The following ARHGAP40 variants were observed in gnomAD, a reference collection of about 807,000 sequenced individuals.
The protein encoded by ARHGAP40 is Rho GTPase activating protein 40.
ARHGAP40 carries 43 observed loss-of-function variants against 73.5 expected under a neutral mutation model. The ratio of observed to expected loss-of-function variants is 0.58; its 90% CI spans 0.46 to 0.75. ARHGAP40 has a LOEUF of 0.75. Ranked by LOEUF, ARHGAP40 falls within the 30% of genes least tolerant of loss-of-function variation. The pLI, the probability that ARHGAP40 is intolerant of heterozygous loss-of-function variation, is 0.00. For synonymous variants in ARHGAP40, 300 were observed against 352.8 expected, an observed-to-expected ratio of 0.85 and a Z score of 1.68; for missense variants, 734 against 861.8, an observed-to-expected ratio of 0.85 and a Z score of 1.86.
chr20:38,608,865 T>C (rs1181765399), intron 1 of ARHGAP40, among the ~76,000 whole-genome samples: 1 of 152,146 alleles, frequency 6.6e-6, no homozygotes, highest in Non-Finnish European at 1.5e-5. Context: ...ACAATCAATT[T>C]TCTAGCTTCA....
chr20:38,620,277 A>C (rs1229112574), intron 1 of ARHGAP40, among the ~76,000 whole-genome samples: 1 of 152,250 alleles, frequency 6.6e-6, no homozygotes, highest in Non-Finnish European at 1.5e-5. Flanking sequence ...CCTTTTGTGG[A>C]TGCGTTCTCT....
intron 6 of ARHGAP40, among the ~76,000 whole-genome samples, chr20:38,635,161 T>G (rs1456933286): frequency 1.3e-5 from 2 of 152,246 alleles, no homozygotes; most frequent in East Asian, 3.9e-4. Flanking sequence ...ATTACAGGTG[T>G]GAGCCACCAC....
chr20:38,618,407 C>T (rs928474246), intron 1 of ARHGAP40, among the ~76,000 whole-genome samples: 3 of 152,158 alleles, frequency 2.0e-5, no homozygotes, highest in African/African-American at 7.2e-5. Context: ...GCACCCAGCC[C>T]AAAGTTCTTG....
chr20:38,641,895 T>G, intron 10 of ARHGAP40, 87 bp downstream of exon 10: 1 of 1,029,258 alleles, frequency 9.7e-7, no homozygotes, highest in Non-Finnish European at 1.3e-6. Flanking sequence ...CATTCATTCA[T>G]TCATTCAACA....
chr20:38,649,645 T>C (rs2089076247), intron 14 of ARHGAP40, 112 bp from the exon 15 acceptor site: 1 of 556,780 alleles, frequency 1.8e-6, no homozygotes, highest in Admixed American at 2.6e-5. Context: ...GCTGTAGCAG[T>C]CAAGATGCAT....
chr20:38,644,018 A>G (rs1440264637), intron 11 of ARHGAP40, 108 bp downstream of exon 11: 2 of 1,045,892 alleles, frequency 1.9e-6, no homozygotes, highest in Middle Eastern at 4.3e-4. Context: ...TGTCCCTTCC[A>G]GGACCTTTGT....
chr20:38,607,361 G>A (rs1179857601), intron 1 of ARHGAP40, among the ~76,000 whole-genome samples: 1 of 152,274 alleles, frequency 6.6e-6, no homozygotes, highest in East Asian at 1.9e-4. Context: ...TCGAAACCCG[G>A]AACGGCCACC....
At chr20:38,623,019 GC>G (rs1243238416) in intron 1 of ARHGAP40, among the ~76,000 whole-genome samples, 1 of 152,216 alleles carries the variant, frequency 6.6e-6, no homozygotes, top group Non-Finnish European at 1.5e-5. Flanking sequence ...ACGAGACACT[GC>G]CCTGTCATTT....
intron 14 of ARHGAP40, 26 bp from the exon 15 acceptor site, chr20:38,649,731 A>G: frequency 2.1e-5 from 26 of 1,244,110 alleles, no homozygotes; most frequent in Non-Finnish European, 2.6e-5. Flanking sequence ...CTCCCACTCA[A>G]CCTCCTTCAC....
intron 13 of ARHGAP40, 48 bp from the exon 14 acceptor site, chr20:38,648,595 C>T (rs1005601202): frequency 7.8e-7 from 1 of 1,283,016 alleles, no homozygotes; most frequent in Admixed American, 2.4e-5. Flanking sequence ...TTGATGTTTC[C>T]AGAAGAAAAA....
At chr20:38,625,294 G>A (rs2145602694) in intron 2 of ARHGAP40, among the ~76,000 whole-genome samples, 1 of 152,298 alleles carries the variant, frequency 6.6e-6, no homozygotes, top group Admixed American at 6.5e-5. Context: ...AGTCAGAGTG[G>A]GTCAGAGAGA....
exon 7 of ARHGAP40, chr20:38,637,728 C>A (rs1345529641): frequency 7.7e-7 from 1 of 1,305,220 alleles, no homozygotes; most frequent in Admixed American, 2.3e-5. Context: ...CTTTGGTGTG[C>A]CCCTTGACAG....
intron 1 of ARHGAP40, among the ~76,000 whole-genome samples, chr20:38,611,107 C>G (rs1165384747): frequency 3.3e-5 from 5 of 152,108 alleles, no homozygotes; most frequent in Non-Finnish European, 5.9e-5. Context: ...CCAGGCTAGT[C>G]TCGAACTCCT....
chr20:38,637,574 A>G, intron 6 of ARHGAP40, 134 bp from the exon 7 acceptor site: 2 of 612,098 alleles, frequency 3.3e-6, no homozygotes, highest in Non-Finnish European at 5.4e-6. Context: ...GTTTGGGTCC[A>G]ACCATTCTCT....
chr20:38,619,756 T>G (rs2088864530), intron 1 of ARHGAP40, among the ~76,000 whole-genome samples: 1 of 151,096 alleles, frequency 6.6e-6, no homozygotes, highest in South Asian at 2.1e-4. Flanking sequence ...GTCTGTAAGT[T>G]GGAAACAATA....
intron 1 of ARHGAP40, among the ~76,000 whole-genome samples, chr20:38,619,371 C>T (rs576998428): frequency 4.0e-5 from 6 of 151,824 alleles, no homozygotes; most frequent in African/African-American, 9.7e-5. Context: ...GTGGTCCAGG[C>T]GAGAAGTGAT....
chr20:38,602,084 AG>A lies in ARHGAP40; in HGVS notation c.137+9del. 1 of 1,280,974 alleles carries A rather than the reference AG, an allele frequency of 7.8e-7. No homozygotes were observed. Among genetic ancestry groups the A allele is most frequent in the South Asian group, 1.2e-5 (1 of 80,378 alleles). 79.4% of individuals were successfully genotyped at this position (1,280,974 alleles called of 1,614,324 possible). ...CTGGGCCGACCTGGGCTGCAGGTAC[AG>A]GGGTCACGGGAGCGGGAGGGAAGTT... On this transcript the variant is annotated splice_donor_region_variant and intron_variant, in intron 1 of 14. Coordinates refer to ENST00000373345, the Ensembl canonical transcript of ARHGAP40.
intron 1 of ARHGAP40, among the ~76,000 whole-genome samples, chr20:38,622,212 T>C (rs935435489): frequency 2.0e-5 from 3 of 152,232 alleles, no homozygotes; most frequent in African/African-American, 7.2e-5. Flanking sequence ...TTATTGGTTT[T>C]CTTTGCCTTT....
chr20:38,638,720 C>T (rs2088993573), intron 7 of ARHGAP40, 41 bp from the exon 8 acceptor site: 1 of 1,280,696 alleles, frequency 7.8e-7, no homozygotes, highest in Non-Finnish European at 1.0e-6. Context: ...TCCTGCTTTT[C>T]AGCGGTTCCT....
Sources: gnomAD v4.1 joint callset for allele counts (sites outside exome capture counted in the v4.1 genomes callset) on GRCh38, gnomAD v4.1.1 for gene constraint, MANE v1.5 for transcripts, NCBI Gene and HGNC (gene_info 2026-07-23, HGNC 2026-07-21) for gene names.